The following AEBP2 variants were observed in gnomAD, a reference collection of about 807,000 sequenced individuals.
AEBP2 encodes the protein zinc finger protein AEBP2.
AEBP2 carries 10 observed loss-of-function variants against 50.8 expected under a neutral mutation model. The ratio of observed to expected loss-of-function variants is 0.20; its 90% CI spans 0.12 to 0.33. The LOEUF (loss-of-function observed/expected upper bound fraction) is 0.33. Ranked by LOEUF, AEBP2 falls within the 10% of genes least tolerant of loss-of-function variation. The pLI is 1.00. For missense variants in AEBP2, 570 were observed against 688.0 expected, an observed-to-expected ratio of 0.83 and a Z score of 1.92; for synonymous variants, 296 against 261.3, an observed-to-expected ratio of 1.13 and a Z score of -1.28.
At chr12:19,455,078 C>T (rs1307840582) in intron 1 of AEBP2, among the ~76,000 whole-genome samples, 2 of 151,734 alleles carry the variant, frequency 1.3e-5, no homozygotes, top group Non-Finnish European at 2.9e-5. Context: ...TCATAGCTCA[C>T]TGCAGCCTTG....
rs757561419 is a variant in AEBP2 at position 19,440,216 on chromosome 12, G to A, written c.517G>A (p.Gly173Ser). ...GPRGSQGGGG[G>S]GSSSSSVVSS... ...GCGGGGCAGCCAGGGCGGCGGCGGG[G>A]GCGGCAGCAGTAGCAGCAGCGTAGT... Residue 173 changes from glycine to serine, a missense_variant, in exon 1 of 8, where the codon GGC (glycine) becomes AGC (serine). Gly to Ser is a moderately conservative substitution (Grantham distance 56). Transcript: ENST00000266508. 7.5e-6 allele frequency: 11 copies of A among 1,464,376 alleles called. No homozygotes were observed. Among genetic ancestry groups the A allele is most frequent in the East Asian group, 5.2e-5 (2 of 38,384 alleles). The allele number at this position is 1,464,376 out of a possible 1,614,324, so 90.7% of individuals were successfully genotyped here.
chr12:19,514,867 T>C, intron 7 of AEBP2, 83 bp downstream of exon 7: 1 of 1,012,046 alleles, frequency 9.9e-7, no homozygotes, highest in Non-Finnish European at 1.5e-6. Flanking sequence ...GGACTTAGTT[T>C]TAAGTGCTGA....
chr12:19,467,330 G>A (rs1234857916), intron 2 of AEBP2, among the ~76,000 whole-genome samples: 1 of 152,082 alleles, frequency 6.6e-6, no homozygotes, highest in Non-Finnish European at 1.5e-5. Context: ...TTTTGTTATT[G>A]TTGCCCAGGC....
At chr12:19,467,311 A>G (rs761695556) in intron 2 of AEBP2, among the ~76,000 whole-genome samples, 41 of 152,114 alleles carry the variant, frequency 2.7e-4, no homozygotes, top group South Asian at 6.2e-4. Flanking sequence ...AGTGTTAAGT[A>G]TGATAGAATT....
intron 4 of AEBP2, among the ~76,000 whole-genome samples, chr12:19,497,258 G>A (rs1272252712): frequency 1.4e-5 from 2 of 142,266 alleles, no homozygotes; most frequent in African/African-American, 5.2e-5. Flanking sequence ...CTAAGGAGAA[G>A]ATAAATCATA....
chr12:19,440,740 C>T (rs1947941656), intron 1 of AEBP2: 2 of 1,533,560 alleles, frequency 1.3e-6, no homozygotes, highest in Non-Finnish European at 1.7e-6. Context: ...TAGCTTCTTC[C>T]AACCGTGTTC....
intron 3 of AEBP2, among the ~76,000 whole-genome samples, chr12:19,478,029 A>G (rs1948675506): frequency 6.6e-6 from 1 of 152,090 alleles, no homozygotes; most frequent in Non-Finnish European, 1.5e-5. Context: ...ATTGGTTGTA[A>G]TATCTTTTGT....
upstream of AEBP2, among the ~76,000 whole-genome samples, chr12:19,438,145 A>G (rs1378066156): frequency 6.6e-6 from 1 of 152,224 alleles, no homozygotes; most frequent in Non-Finnish European, 1.5e-5. Flanking sequence ...GACACCAAAG[A>G]AAGGCACAAT....
At chr12:19,447,390 G>C (rs1179151201) in intron 1 of AEBP2, among the ~76,000 whole-genome samples, 1 of 152,156 alleles carries the variant, frequency 6.6e-6, no homozygotes, top group Non-Finnish European at 1.5e-5. Context: ...CTGCTGGGTT[G>C]TGTGCTCCCT....
intron 5 of AEBP2, among the ~76,000 whole-genome samples, chr12:19,501,777 T>C (rs2120520163): frequency 6.7e-6 from 1 of 148,778 alleles, no homozygotes; most frequent in South Asian, 2.2e-4. Context: ...ATTTCCGTCG[T>C]CTCCTATAAA....
At chr12:19,426,177 C>T (rs978313331) in intron 1 of AEBP2, among the ~76,000 whole-genome samples, 17 of 152,108 alleles carry the variant, frequency 1.1e-4, no homozygotes, top group African/African-American at 4.1e-4. Context: ...CTCAAGTGAT[C>T]ACCCACTTCA....
At chr12:19,447,666 G>A (rs889144929) in intron 1 of AEBP2, among the ~76,000 whole-genome samples, 3 of 130,296 alleles carry the variant, frequency 2.3e-5, no homozygotes, top group East Asian at 4.6e-4. Context: ...AAGGGGTTAC[G>A]TATTTACTTC....
intron 1 of AEBP2, among the ~76,000 whole-genome samples, chr12:19,443,166 G>A (rs1304374269): frequency 6.6e-6 from 1 of 150,824 alleles, no homozygotes; most frequent in Non-Finnish European, 1.5e-5. Context: ...GTACGATCTC[G>A]GCTCACTGCA....
intron 1 of AEBP2, chr12:19,404,239 T>G (rs2095734846): frequency 6.6e-6 from 1 of 152,268 alleles, no homozygotes; most frequent in Admixed American, 6.5e-5. Flanking sequence ...ATGGCTTCCC[T>G]CTGTCCCTGC....
intron 4 of AEBP2, among the ~76,000 whole-genome samples, chr12:19,496,209 T>C (rs573734852): frequency 9.7e-4 from 148 of 152,350 alleles, no homozygotes; most frequent in Admixed American, 1.8e-3. Flanking sequence ...CAGTTCTTGC[T>C]TAGAAACAAA....
chr12:19,476,130 C>A (rs1294311257), intron 3 of AEBP2, among the ~76,000 whole-genome samples: 1 of 152,178 alleles, frequency 6.6e-6, no homozygotes, highest in Admixed American at 6.5e-5. Context: ...GTCATAAACT[C>A]TTTGCCTAAG....
chr12:19,486,780 T>C (rs926423757), intron 3 of AEBP2, among the ~76,000 whole-genome samples: 3 of 152,076 alleles, frequency 2.0e-5, no homozygotes, highest in Middle Eastern at 3.2e-3. Flanking sequence ...TATGATATCT[T>C]AATACTACCA....
chr12:19,482,085 G>A (rs746393236), intron 3 of AEBP2, among the ~76,000 whole-genome samples: 31 of 152,116 alleles, frequency 2.0e-4, no homozygotes, highest in Admixed American at 5.9e-4. Context: ...CTATTTCGGT[G>A]GAAAAGACTG....
intron 1 of AEBP2, among the ~76,000 whole-genome samples, chr12:19,443,310 G>A (rs1947997618): frequency 6.6e-6 from 1 of 151,732 alleles, no homozygotes; most frequent in South Asian, 2.1e-4. Flanking sequence ...GTCCAGGCTG[G>A]TCTTGAAATT....
Sources: gnomAD v4.1 joint callset for allele counts (sites outside exome capture counted in the v4.1 genomes callset) on GRCh38, gnomAD v4.1.1 for gene constraint, MANE v1.5 for transcripts, NCBI Gene and HGNC (gene_info 2026-07-23, HGNC 2026-07-21) for gene names.